The following SIRPG variants were observed in gnomAD, a reference collection of about 807,000 sequenced individuals.
SIRPG encodes signal regulatory protein gamma.
SIRPG carries 38 observed loss-of-function variants against 35.7 expected under a neutral mutation model. That is an observed-to-expected ratio of 1.06 (90% confidence interval 0.82 to 1.40). The LOEUF (loss-of-function observed/expected upper bound fraction) is 1.40. Ranked by LOEUF, SIRPG falls within the 40% of genes most tolerant of loss-of-function variation. SIRPG has a pLI of 0.00. For missense variants in SIRPG, 519 were observed against 483.0 expected, an observed-to-expected ratio of 1.07 and a Z score of -0.70; for synonymous variants, 215 against 190.4, an observed-to-expected ratio of 1.13 and a Z score of -1.06.
chr20:1,653,345 C>T (rs1336507844), intron 1 of SIRPG, among the ~76,000 whole-genome samples: 1 of 152,166 alleles, frequency 6.6e-6, no homozygotes, highest in Non-Finnish European at 1.5e-5. Context: ...ATATAATGAT[C>T]ACATGAAGTA....
At chr20:1,677,889 A>G in the SIRPG span, among the ~76,000 whole-genome samples, 1 of 152,290 alleles carries the variant, frequency 6.6e-6, no homozygotes, top group East Asian at 1.9e-4. Flanking sequence ...TATTGTATTG[A>G]ATTTAGTATT....
rs1460681957 is a variant in SIRPG at position 1,635,476 on chromosome 20, A to T, written c.872T>A (p.Val291Glu). The T allele has an allele frequency of 6.2e-7, 1 of 1,613,998 alleles. No homozygotes were observed. The highest frequency in any genetic ancestry group is 2.2e-5 in the East Asian group (1 of 44,894). The change falls in exon 4 of 6, where the codon GTG (valine) becomes GAG (glutamate). Residue 291 changes from valine to glutamate, a missense_variant. Coordinates refer to ENST00000303415, the MANE Select transcript of SIRPG (RefSeq NM_018556.4). ...LQLTWSENGN[V>E]CQRETASTLT... Reference sequence around the variant, plus strand: ...GGTCGAGGCTGTTTCTCTCTGGCACACGTTTCCATTCTCCGACCAGGTCAG... The same window carrying T: ...GGTCGAGGCTGTTTCTCTCTGGCACTCGTTTCCATTCTCCGACCAGGTCAG...
At chr20:1,668,198 C>T in the SIRPG span, among the ~76,000 whole-genome samples, 301 of 21,296 alleles carry the variant, frequency 0.014, 10 homozygotes, top group African/African-American at 0.03. Flanking sequence ...TTTTTCTTTT[C>T]TTTTCTTTCT....
chr20:1,677,299 GA>G, the SIRPG span, among the ~76,000 whole-genome samples: 1 of 152,164 alleles, frequency 6.6e-6, no homozygotes, highest in African/African-American at 2.4e-5. Context: ...TGGCCATATG[GA>G]GTATTGCAAT....
the SIRPG span, chr20:1,666,228 GC>G: frequency 6.6e-6 from 1 of 152,014 alleles, no homozygotes; most frequent in Non-Finnish European, 1.5e-5. Context: ...TTTGTTTCAA[GC>G]TGAGTGTTGT....
At chr20:1,659,500 C>T (rs1216650471), upstream of SIRPG, among the ~76,000 whole-genome samples, 2 of 152,198 alleles carry the variant, frequency 1.3e-5, no homozygotes, top group African/African-American at 4.8e-5. Context: ...GGAATTATAA[C>T]AGCTATCATT....
At chr20:1,648,688 TGA>T (rs1227406156) in intron 2 of SIRPG, among the ~76,000 whole-genome samples, 4 of 152,062 alleles carry the variant, frequency 2.6e-5, no homozygotes, top group Non-Finnish European at 4.4e-5. Flanking sequence ...TTGGCCAGCC[TGA>T]GAGAGAAGCG....
chr20:1,641,579 G>A (rs1466283600), intron 2 of SIRPG, among the ~76,000 whole-genome samples: 1 of 151,830 alleles, frequency 6.6e-6, no homozygotes, highest in Non-Finnish European at 1.5e-5. Context: ...TTTTTTGAAG[G>A]GTTTTTTGTG....
At chr20:1,655,626 A>T (rs1045068625) in intron 1 of SIRPG, among the ~76,000 whole-genome samples, 1 of 152,210 alleles carries the variant, frequency 6.6e-6, no homozygotes, top group Non-Finnish European at 1.5e-5. Flanking sequence ...TTTATACTTA[A>T]TAATATGAAT....
intron 2 of SIRPG, chr20:1,646,936 T>A (rs981476638): frequency 6.6e-6 from 1 of 152,476 alleles, no homozygotes; most frequent in Non-Finnish European, 1.5e-5. Flanking sequence ...CATGAGCCAC[T>A]GCACCCAGCC....
At chr20:1,645,796 A>G (rs1300443054) in intron 2 of SIRPG, among the ~76,000 whole-genome samples, 7 of 152,316 alleles carry the variant, frequency 4.6e-5, no homozygotes, top group East Asian at 1.9e-4. Context: ...GCCGAAGCTC[A>G]GTGATAAACC....
intron 2 of SIRPG, chr20:1,637,795 C>A (rs189517857): frequency 1.3e-5 from 2 of 152,232 alleles, no homozygotes; most frequent in Non-Finnish European, 2.9e-5. Context: ...ATCTAGGCCA[C>A]CCCAACAGGC....
chr20:1,665,913 A>C, the SIRPG span, among the ~76,000 whole-genome samples: 1 of 152,154 alleles, frequency 6.6e-6, no homozygotes. Context: ...ATATATAAAA[A>C]AAAGAGCCTC....
chr20:1,659,896 GA>G (rs1402944945), upstream of SIRPG, among the ~76,000 whole-genome samples: 6 of 152,336 alleles, frequency 3.9e-5, no homozygotes, highest in African/African-American at 1.4e-4. Flanking sequence ...TTATTCCTGG[GA>G]AGACGGAAGT....
intron 4 of SIRPG, chr20:1,633,481 A>G (rs944533137): frequency 6.6e-5 from 10 of 152,198 alleles, no homozygotes; most frequent in Admixed American, 2.6e-4. Flanking sequence ...TGTAATAATG[A>G]TACTGGTTTT....
chr20:1,683,483 G>C, the SIRPG span, among the ~76,000 whole-genome samples: 2 of 152,182 alleles, frequency 1.3e-5, no homozygotes, highest in African/African-American at 4.8e-5. Flanking sequence ...AGCAAAAATG[G>C]AATCAACCTA....
chr20:1,637,713 A>G (rs1484248610), intron 2 of SIRPG: 1 of 152,228 alleles, frequency 6.6e-6, no homozygotes, highest in East Asian at 1.9e-4. Context: ...GTCCAAAAAC[A>G]ATGATCACTG....
At chr20:1,645,606 C>T (rs1032441047) in intron 2 of SIRPG, among the ~76,000 whole-genome samples, 9 of 152,134 alleles carry the variant, frequency 5.9e-5, no homozygotes, top group Non-Finnish European at 7.3e-5. Flanking sequence ...GCATGTTACA[C>T]GATTTAACTC....
chr20:1,681,556 G>T, the SIRPG span, among the ~76,000 whole-genome samples: 16 of 152,120 alleles, frequency 1.1e-4, no homozygotes, highest in Non-Finnish European at 2.1e-4. Flanking sequence ...AGTTGGCCAG[G>T]CACAGTGGCT....
Sources: allele counts gnomAD v4.1 joint callset (sites outside exome capture counted in the v4.1 genomes callset), GRCh38; gene constraint gnomAD v4.1.1; transcripts MANE v1.5; gene names NCBI Gene and HGNC (gene_info 2026-07-23, HGNC 2026-07-21).